The following CDH18 variants were observed in gnomAD, a reference collection of about 807,000 sequenced individuals.
CDH18 encodes cadherin 18.
Under a neutral mutation model 67.9 loss-of-function variants are expected in CDH18, and 31 were observed. The ratio of observed to expected loss-of-function variants is 0.46; its 90% confidence interval spans 0.34 to 0.62. The LOEUF is 0.62. CDH18 is among the 20% of genes least tolerant of loss of function. The probability of loss-of-function intolerance (pLI) is 0.01; values close to 1 mark genes in which losing one functional copy is unlikely to be tolerated. For missense variants in CDH18, 890 were observed against 975.5 expected (o/e 0.91, Z 1.17); for synonymous variants, 362 against 347.2 (o/e 1.04, Z -0.48).
chr5:19,968,996 A>G lies in CDH18; in HGVS notation c.-257+12064T>C, dbSNP rs1169908818. ...TACAATGAACTCAAACAAATTTACA[A>G]GAAAAAAACAAACAACCCCATCAAA... On this transcript the variant is annotated intron_variant, in intron 2 of 12. Transcript: ENST00000382275. 4.4e-3 allele frequency among the ~76,000 whole-genome samples: 598 copies of G among 135,052 alleles called. 116 individuals are homozygous for G. The highest frequency in any genetic ancestry group is 0.021 in the African/African-American group (581 of 28,160). The allele number at this position is 135,052 out of a possible 152,430, so 88.6% of individuals were successfully genotyped here.
intron 2 of CDH18, among the ~76,000 whole-genome samples, chr5:20,214,023 T>C (rs1024545479): frequency 6.6e-6 from 1 of 152,050 alleles, no homozygotes; most frequent in Non-Finnish European, 1.5e-5. Flanking sequence ...CAAAAATTAC[T>C]AACATTCCTA....
intron 1 of CDH18, among the ~76,000 whole-genome samples, chr5:20,334,193 C>A (rs1287451956): frequency 4.4e-5 from 6 of 135,692 alleles, no homozygotes; most frequent in African/African-American, 8.8e-5. Context: ...AGTGCAGTGG[C>A]GCAATCTCGG....
At chr5:20,453,250 A>T (rs1461178519) in intron 1 of CDH18, among the ~76,000 whole-genome samples, 1 of 152,048 alleles carries the variant, frequency 6.6e-6, no homozygotes, top group Non-Finnish European at 1.5e-5. Flanking sequence ...GCTCACTTAC[A>T]CCTTGTCCTA....
At chr5:19,909,645 T>G (rs529624597) in intron 2 of CDH18, among the ~76,000 whole-genome samples, 1 of 151,994 alleles carries the variant, frequency 6.6e-6, no homozygotes, top group African/African-American at 2.4e-5. Flanking sequence ...TAATAATTAT[T>G]ACAGCATTAG....
intron 2 of CDH18, among the ~76,000 whole-genome samples, chr5:20,018,972 T>C (rs919683088): frequency 6.7e-6 from 1 of 150,134 alleles, no homozygotes; most frequent in African/African-American, 2.5e-5. Flanking sequence ...TTTTTTTTTG[T>C]ATTTTTAGTA....
chr5:20,556,688 G>A (rs539191916), intron 1 of CDH18, among the ~76,000 whole-genome samples: 15 of 151,900 alleles, frequency 9.9e-5, no homozygotes, highest in African/African-American at 2.2e-4. Flanking sequence ...TGGATTATTC[G>A]CCCACTCCCT....
At chr5:20,537,405 A>G (rs1020553878) in intron 1 of CDH18, among the ~76,000 whole-genome samples, 1 of 147,922 alleles carries the variant, frequency 6.8e-6, no homozygotes, top group Non-Finnish European at 1.5e-5. Flanking sequence ...CTGATTTTTT[A>G]TTGTGGAAAG....
At chr5:20,572,224 G>GAA (rs111914947) in intron 1 of CDH18, among the ~76,000 whole-genome samples, 55 of 148,916 alleles carry the variant, frequency 3.7e-4, no homozygotes, top group Non-Finnish European at 5.1e-4. Context: ...TTTTGTAAAA[G>GAA]AAAAAAAAAA....
chr5:20,404,645 C>T (rs1006951607), intron 1 of CDH18, among the ~76,000 whole-genome samples: 25 of 152,046 alleles, frequency 1.6e-4, no homozygotes, highest in Admixed American at 1.4e-3. Flanking sequence ...AAAAAAATTA[C>T]AATAGTAACA....
chr5:20,320,264 C>T (rs1737875458), intron 1 of CDH18, among the ~76,000 whole-genome samples: 1 of 152,046 alleles, frequency 6.6e-6, no homozygotes, highest in African/African-American at 2.4e-5. Context: ...ATTCTCTATT[C>T]TTCTTTTATA....
chr5:20,242,636 A>ATATATATATATATATATATATG (rs1743062374), intron 2 of CDH18, among the ~76,000 whole-genome samples: 2 of 58,402 alleles, frequency 3.4e-5, no homozygotes, highest in Admixed American at 1.9e-4. Flanking sequence ...ATATATATGT[A>ATATATATATATATATATATATG]TATATATATA....
chr5:20,213,664 G>T (rs540989320), intron 2 of CDH18, among the ~76,000 whole-genome samples: 73 of 152,072 alleles, frequency 4.8e-4, no homozygotes, highest in Non-Finnish European at 8.1e-4. Context: ...AGATTTTCCC[G>T]TTTGTGTGCA....
intron 2 of CDH18, among the ~76,000 whole-genome samples, chr5:20,211,832 G>A (rs1561881019): frequency 6.6e-6 from 1 of 151,420 alleles, no homozygotes; most frequent in Non-Finnish European, 1.5e-5. Flanking sequence ...GGAGAAACCA[G>A]AACAGAAAAG....
chr5:19,943,325 A>C (rs1054794086), intron 2 of CDH18, among the ~76,000 whole-genome samples: 2 of 152,080 alleles, frequency 1.3e-5, no homozygotes, highest in Admixed American at 6.6e-5. Context: ...ATTCCACTAC[A>C]CCATATCTAT....
chr5:20,485,569 AT>A (rs1447062300), intron 1 of CDH18, among the ~76,000 whole-genome samples: 1 of 152,018 alleles, frequency 6.6e-6, no homozygotes, highest in Non-Finnish European at 1.5e-5. Context: ...CATCTAATAA[AT>A]TTCCTCTATT....
intron 1 of CDH18, among the ~76,000 whole-genome samples, chr5:20,365,946 G>C (rs1742480949): frequency 6.6e-6 from 1 of 151,694 alleles, no homozygotes; most frequent in Admixed American, 6.6e-5. Context: ...TCATTGCCTG[G>C]TCTATAAATA....
chr5:19,565,990 C>A (rs1036847299), intron 8 of CDH18, among the ~76,000 whole-genome samples: 3 of 151,264 alleles, frequency 2.0e-5, no homozygotes, highest in Admixed American at 6.6e-5. Context: ...GATTAATAAC[C>A]GGAATATAAT....
In CDH18 at chr5:19,483,427, T is replaced by C; in HGVS notation, c.1756A>G (p.Ile586Val). The change falls in exon 12 of 13, where the codon ATC becomes GTC. Residue 586 changes from isoleucine to valine, a missense_variant. By Grantham distance (29) the Ile-to-Val change is conservative. This residue lies in a region of CDH18 where 656 missense variants were observed against 668.1 expected (regional missense o/e 0.98). Coordinates refer to ENST00000382275, the MANE Select transcript of CDH18 (RefSeq NM_004934.5). ...TCTCTCTCGCATGCACAAACCCTGA[T>C]GGTGAGGGTGCTGCTGCTGCTGAGA... Reference protein sequence around the residue: ...PSLSSSSTLTIRVCACERDGR... With the variant: ...PSLSSSSTLTVRVCACERDGR... 2 of 1,614,072 alleles carry C rather than the reference T, an allele frequency of 1.2e-6. No individual in the cohort carries two copies. Among genetic ancestry groups the C allele is most frequent in the Non-Finnish European group, 1.7e-6 (2 of 1,180,004 alleles).
At chr5:20,177,948 T>C (rs989140615) in intron 2 of CDH18, among the ~76,000 whole-genome samples, 4 of 151,866 alleles carry the variant, frequency 2.6e-5, no homozygotes, top group African/African-American at 9.7e-5. Flanking sequence ...CAATTAAACC[T>C]CTTTCTTTTG....
Sources: gnomAD v4.1 joint callset for allele counts (sites outside exome capture counted in the v4.1 genomes callset) on GRCh38, gnomAD v4.1.1 for gene constraint, gnomAD v4.1.1 regional missense constraint, MANE v1.5 for transcripts, NCBI Gene and HGNC (gene_info 2026-07-23, HGNC 2026-07-21) for gene names.